CHN1: variants seen among roughly 807,000 people sequenced by gnomAD.
CHN1 encodes chimerin 1, also known as N-chimaerin.
Under a neutral mutation model 59.5 loss-of-function variants are expected in CHN1, and 37 were observed. That is an observed-to-expected ratio of 0.62 (90% confidence interval 0.48 to 0.82). The LOEUF is 0.82. CHN1 is among the 40% of genes least tolerant of loss of function. The pLI is 0.00. For missense variants in CHN1, 469 were observed against 571.0 expected (o/e 0.82, Z 1.82); for synonymous variants, 206 against 200.4 (o/e 1.03, Z -0.24).
At chr2:174,894,662 T>A (rs557451041) in intron 5 of CHN1, among the ~76,000 whole-genome samples, 1 of 152,092 alleles carries the variant, frequency 6.6e-6, no homozygotes, top group Non-Finnish European at 1.5e-5. Context: ...TTGAAGATAC[T>A]TGCACACCCA....
intron 3 of CHN1, among the ~76,000 whole-genome samples, chr2:174,928,704 A>T (rs1689246055): frequency 6.6e-6 from 1 of 152,240 alleles, no homozygotes; most frequent in Non-Finnish European, 1.5e-5. Context: ...AGAGTTTAAA[A>T]TAGGCCAAAG....
intron 8 of CHN1, among the ~76,000 whole-genome samples, chr2:174,819,393 T>C (rs1685399642): frequency 6.6e-6 from 1 of 152,196 alleles, no homozygotes; most frequent in South Asian, 2.1e-4. Flanking sequence ...AAACATGAAG[T>C]CACTTTCATA....
chr2:174,870,484 C>T (rs1030599366), intron 6 of CHN1, among the ~76,000 whole-genome samples: 8 of 152,014 alleles, frequency 5.3e-5, no homozygotes, highest in Non-Finnish European at 1.0e-4. Context: ...AGAAATGATT[C>T]CAAATAAAAA....
chr2:174,807,367 G>T (rs1392756194), intron 11 of CHN1, among the ~76,000 whole-genome samples: 1 of 151,750 alleles, frequency 6.6e-6, no homozygotes, highest in Non-Finnish European at 1.5e-5. Context: ...TTCCAGAGTG[G>T]AAGCTTACCC....
chr2:175,005,244 C>T lies in CHN1; in HGVS notation c.-332G>A, dbSNP rs1559019804. 8 of 1,180,316 alleles carry T rather than the reference C, an allele frequency of 6.8e-6. No individual in the cohort carries two copies. The highest frequency in any genetic ancestry group is 7.3e-6 in the Non-Finnish European group (7 of 952,814). The allele number at this position is 1,180,316 out of a possible 1,614,324, so 73.1% of individuals were successfully genotyped here. A position where few individuals can be genotyped will look rare whatever the true frequency, so the allele number is the denominator to read the frequency against. ...GGCTTGGCCGCGGCGCAGTGGCTGG[C>T]GGAGAGGCGGCGCCGCACTGGCGGC... is the stretch of plus-strand genomic sequence containing the variant. On this transcript the variant is annotated 5_prime_UTR_variant, in exon 1 of 13. Coordinates refer to ENST00000409900, the MANE Select transcript of CHN1 (RefSeq NM_001822.7).
intron 6 of CHN1, among the ~76,000 whole-genome samples, chr2:174,864,744 G>C (rs544872821): frequency 2.8e-4 from 42 of 152,226 alleles, no homozygotes; most frequent in Non-Finnish European, 4.9e-4. Flanking sequence ...CATGCCTGTA[G>C]TACCAGTACT....
chr2:174,967,275 G>A (rs979334675), intron 1 of CHN1, among the ~76,000 whole-genome samples: 2 of 152,182 alleles, frequency 1.3e-5, no homozygotes, highest in African/African-American at 4.8e-5. Context: ...AGGATTGCTC[G>A]AGCCAGGAAG....
chr2:174,953,725 C>G (rs1650104190), intron 1 of CHN1, among the ~76,000 whole-genome samples: 1 of 152,018 alleles, frequency 6.6e-6, no homozygotes, highest in Non-Finnish European at 1.5e-5. Context: ...CTTAGGAATA[C>G]ACATAACCAA....
Position 174,847,729 on chromosome 2 carries a change from T to C in CHN1, c.550-772A>G, listed in dbSNP as rs778522953. ...TATTCCTAAACTCACTCTGTCTCTG[T>C]TTCTCCCTCCTCTCATGTAAGTAAG... On this transcript the variant is annotated intron_variant, in intron 6 of 12. Coordinates refer to ENST00000409900, the MANE Select transcript of CHN1 (RefSeq NM_001822.7). 30 of 972,864 alleles carry C rather than the reference T, an allele frequency of 3.1e-5. No homozygotes were observed. The East Asian group carries it at 1.5e-3, about 47-fold the overall frequency. The allele number at this position is 972,864 out of a possible 1,614,324, so 60.3% of individuals were successfully genotyped here. A position where few individuals can be genotyped will look rare whatever the true frequency, so the allele number is the denominator to read the frequency against.
intron 11 of CHN1, among the ~76,000 whole-genome samples, chr2:174,803,258 T>C (rs1684785343): frequency 6.6e-6 from 1 of 152,194 alleles, no homozygotes. Context: ...TGTAAAAATT[T>C]CCTAGCACTG....
chr2:174,809,277 A>G (rs1685000082), intron 10 of CHN1, among the ~76,000 whole-genome samples: 3 of 152,140 alleles, frequency 2.0e-5, no homozygotes, highest in Non-Finnish European at 1.5e-5. Flanking sequence ...CCAGTTATTA[A>G]TATTTTCCTT....
intron 8 of CHN1, 61 bp from the exon 9 acceptor site, chr2:174,812,543 G>T: frequency 6.4e-7 from 1 of 1,562,186 alleles, no homozygotes; most frequent in Non-Finnish European, 8.7e-7. Flanking sequence ...GAGCATTCTG[G>T]AGTGTTAATT....
intron 7 of CHN1, among the ~76,000 whole-genome samples, chr2:174,834,717 ATT>A (rs1686011245): frequency 1.3e-5 from 2 of 152,210 alleles, no homozygotes; most frequent in African/African-American, 4.8e-5. Flanking sequence ...AAGGAAAATA[ATT>A]TGTTTCCTCA....
At chr2:175,002,576 A>G (rs1292857036) in intron 1 of CHN1, among the ~76,000 whole-genome samples, 1 of 152,252 alleles carries the variant, frequency 6.6e-6, no homozygotes, top group East Asian at 1.9e-4. Flanking sequence ...TAAATTTATA[A>G]AAAGCCTGAA....
intron 1 of CHN1, among the ~76,000 whole-genome samples, chr2:174,967,704 G>A (rs547148745): frequency 6.6e-6 from 1 of 152,306 alleles, no homozygotes; most frequent in South Asian, 2.1e-4. Context: ...CTTTCCAACT[G>A]TAATTCAGTG....
At chr2:174,885,212 T>C (rs1057172853) in intron 5 of CHN1, among the ~76,000 whole-genome samples, 3 of 150,110 alleles carry the variant, frequency 2.0e-5, no homozygotes, top group Non-Finnish European at 4.4e-5. Context: ...GAGGCAGAGG[T>C]TGCAGTGAGT....
intron 2 of CHN1, among the ~76,000 whole-genome samples, chr2:174,949,900 C>T (rs1013841285): frequency 8.6e-5 from 13 of 152,028 alleles, no homozygotes; most frequent in Middle Eastern, 3.4e-3. Context: ...AAAATGATTA[C>T]GGGGAGTTCA....
At chr2:174,939,479 C>T (rs1689593925) in intron 3 of CHN1, among the ~76,000 whole-genome samples, 1 of 152,084 alleles carries the variant, frequency 6.6e-6, no homozygotes. Context: ...TTTATTCCTT[C>T]AACTTTTCTT....
intron 5 of CHN1, among the ~76,000 whole-genome samples, chr2:174,892,833 T>C (rs1688095553): frequency 6.6e-6 from 1 of 152,066 alleles, no homozygotes; most frequent in Non-Finnish European, 1.5e-5. Flanking sequence ...TGTAATACAC[T>C]ACATTGACAA....
Sources: allele counts gnomAD v4.1 joint callset (sites outside exome capture counted in the v4.1 genomes callset), GRCh38; gene constraint gnomAD v4.1.1; transcripts MANE v1.5; gene names NCBI Gene and HGNC (gene_info 2026-07-23, HGNC 2026-07-21).